Variants in NT5DC3 observed in about 807,000 individuals in gnomAD.
The protein encoded by NT5DC3 is 5'-nucleotidase domain containing 3.
Under a neutral mutation model 67.8 loss-of-function variants are expected in NT5DC3, and 42 were observed. The observed-to-expected ratio is 0.62, with a 90% CI of 0.48 to 0.80. The LOEUF (loss-of-function observed/expected upper bound fraction) is 0.80. Ranked by LOEUF, NT5DC3 falls within the 30% of genes least tolerant of loss-of-function variation. NT5DC3 has a pLI of 0.00. For missense variants in NT5DC3, 570 were observed against 696.4 expected (o/e 0.82, Z 2.04); for synonymous variants, 237 against 255.6 (o/e 0.93, Z 0.69).
chr12:103,759,505 C>T, the NT5DC3 span, among the ~76,000 whole-genome samples: 1 of 152,168 alleles, frequency 6.6e-6, no homozygotes, highest in Non-Finnish European at 1.5e-5. Context: ...GGATAATGAA[C>T]CCATTTTAAA....
intron 11 of NT5DC3, 22 bp from the exon 12 acceptor site, chr12:103,785,497 A>C (rs1415154093): frequency 1.2e-6 from 2 of 1,612,482 alleles, no homozygotes; most frequent in East Asian, 2.2e-5. Context: ...GATCACGAAA[A>C]GTCAACGTCA....
chr12:103,749,208 C>T, the NT5DC3 span: 12 of 1,525,228 alleles, frequency 7.9e-6, no homozygotes, highest in Non-Finnish European at 1.1e-5. Context: ...GGGCTTCGCT[C>T]CTCCTTGCCT....
At chr12:103,754,640 G>T in the NT5DC3 span, among the ~76,000 whole-genome samples, 1 of 152,080 alleles carries the variant, frequency 6.6e-6, no homozygotes, top group Admixed American at 6.6e-5. Flanking sequence ...GAGCAATGAT[G>T]ATATTATGAT....
At chr12:103,803,257 A>T (rs79200640) in intron 4 of NT5DC3, among the ~76,000 whole-genome samples, 2 of 152,164 alleles carry the variant, frequency 1.3e-5, no homozygotes, top group Non-Finnish European at 2.9e-5. Flanking sequence ...TAAAAATTGT[A>T]ATATGTTAAA....
the NT5DC3 span, chr12:103,763,641 C>A: frequency 1.9e-6 from 3 of 1,574,438 alleles, no homozygotes; most frequent in Non-Finnish European, 2.6e-6. Flanking sequence ...GAATAGGTTC[C>A]CTTGGGGTAC....
At chr12:103,753,094 A>G in the NT5DC3 span, 1 of 1,115,562 alleles carries the variant, frequency 9.0e-7, no homozygotes, top group Non-Finnish European at 1.3e-6. Flanking sequence ...CTTGAAGGGA[A>G]AGTGGCTTCT....
intron 1 of NT5DC3, among the ~76,000 whole-genome samples, chr12:103,818,661 C>T (rs1406328988): frequency 3.9e-5 from 6 of 152,310 alleles, no homozygotes; most frequent in African/African-American, 9.6e-5. Context: ...CCAGCGTGAG[C>T]CACTGCACCC....
intron 4 of NT5DC3, among the ~76,000 whole-genome samples, chr12:103,801,130 ACAT>A (rs1207708259): frequency 6.6e-6 from 1 of 152,056 alleles, no homozygotes; most frequent in African/African-American, 2.4e-5. Flanking sequence ...TGTGGGCCAA[ACAT>A]CATAAAATTC....
At chr12:103,817,309 A>T (rs1452031298) in intron 1 of NT5DC3, among the ~76,000 whole-genome samples, 1 of 152,214 alleles carries the variant, frequency 6.6e-6, no homozygotes, top group Non-Finnish European at 1.5e-5. Context: ...CAATCATCCA[A>T]TTTTTTATGA....
chr12:103,755,289 T>C, the NT5DC3 span: 1 of 1,613,186 alleles, frequency 6.2e-7, no homozygotes, highest in East Asian at 2.2e-5. Flanking sequence ...TGGCCCTGTC[T>C]GTATCCCTGC....
Position 103,774,579 on chromosome 12 carries a change from G to A in NT5DC3, c.*3250C>T, listed in dbSNP as rs1261772178. On this transcript the variant is annotated 3_prime_UTR_variant, in exon 14 of 14. Transcript: ENST00000392876. ...GGCACCTGTAATCCCAGCTACTCGGGAGGCTGAGGCAGGAGAATCACTTGA... is the reference window on the plus strand; with the variant it reads ...GGCACCTGTAATCCCAGCTACTCGGAAGGCTGAGGCAGGAGAATCACTTGA... 2 of 151,792 alleles carry A rather than the reference G, an allele frequency of 1.3e-5. No individual in the cohort carries two copies. The highest frequency in any genetic ancestry group is 4.9e-5 in the African/African-American group (2 of 41,200). 9.4% of individuals were successfully genotyped at this position (151,792 alleles called of 1,614,324 possible).
chr12:103,803,868 C>A lies in NT5DC3; in HGVS notation c.524+2454G>T, dbSNP rs966607714. On this transcript the variant is annotated intron_variant, in intron 4 of 13. Coordinates refer to ENST00000392876, the MANE Select transcript of NT5DC3 (RefSeq NM_001031701.3). The stretch of plus-strand genomic sequence containing the variant: ...AGATTCATTCATTACCACCCCCCCC[C>A]CAAAAAAATGTGTTGAGGGACTCCA... Among the ~76,000 whole-genome samples, 3 of 148,030 alleles carry A rather than the reference C, an allele frequency of 2.0e-5. No homozygotes were observed. In the Admixed American group the frequency reaches 2.1e-4, roughly 10 times the overall value.
chr12:103,787,471 A>C lies in NT5DC3; in HGVS notation c.1158T>G (p.Tyr386Ter). 6.2e-7 allele frequency: 1 copy of C among 1,604,688 alleles called. No individual in the cohort carries two copies. The highest frequency in any genetic ancestry group is 8.5e-7 in the Non-Finnish European group (1 of 1,174,620). ...GGTCACTGTATATATGGTCACCAAA[A>C]TACAACACTCTGGATCCTCTCCATC... The part of the protein sequence containing the change: ...LTGWRGSRVL[Y>*]FGDHIYSDLA... Residue 386 changes from tyrosine (Y) to a stop codon, truncating the protein, a stop_gained, in exon 11 of 14, where the codon TAT becomes TAG. Coordinates refer to ENST00000392876, the MANE Select transcript of NT5DC3 (RefSeq NM_001031701.3). LOFTEE classifies it high-confidence loss of function.
At chr12:103,840,204 GCCCGGCAC>G (rs1405667383) in intron 1 of NT5DC3, among the ~76,000 whole-genome samples, 2 of 152,134 alleles carry the variant, frequency 1.3e-5, no homozygotes, top group African/African-American at 4.8e-5. Flanking sequence ...TAATCTACGT[GCCCGGCAC>G]TGGTATTTAT....
At chr12:103,814,492 T>G (rs769542897) in intron 2 of NT5DC3, among the ~76,000 whole-genome samples, 31 of 152,300 alleles carry the variant, frequency 2.0e-4, no homozygotes, top group Admixed American at 9.8e-4. Context: ...CCTTCCTCAT[T>G]AAAAACTCTC....
Position 103,778,170 on chromosome 12 carries a change from T to A in NT5DC3, c.1395-89A>T, listed in dbSNP as rs57944247. 157,043 of 1,163,456 alleles carry A rather than the reference T, an allele frequency of 0.13. 6,302 individuals carry two copies. The highest frequency in any genetic ancestry group is 0.32 in the East Asian group (11,504 of 36,034). 72.1% of individuals were successfully genotyped at this position (1,163,456 alleles called of 1,614,324 possible). On this transcript the variant is annotated intron_variant, in intron 13 of 13. Coordinates refer to ENST00000392876, the MANE Select transcript of NT5DC3 (RefSeq NM_001031701.3). The stretch of plus-strand genomic sequence containing the variant: ...CTGAAATCAAAATCACTTCTTTTTT[T>A]AAAAAAAAAAAATAGGACTCATTTG...
chr12:103,817,858 C>A (rs747573429), intron 1 of NT5DC3, among the ~76,000 whole-genome samples: 1 of 152,174 alleles, frequency 6.6e-6, no homozygotes, highest in Non-Finnish European at 1.5e-5. Flanking sequence ...CTACTCACTT[C>A]TTTCTGACTA....
chr12:103,749,084 A>G, the NT5DC3 span: 1 of 1,614,158 alleles, frequency 6.2e-7, no homozygotes, highest in Non-Finnish European at 8.5e-7. Flanking sequence ...ACAGCTGCAC[A>G]GAGATAGACC....
At chr12:103,765,651 G>A (rs1291132712), downstream of NT5DC3, among the ~76,000 whole-genome samples, 5 of 152,150 alleles carry the variant, frequency 3.3e-5, no homozygotes, top group Admixed American at 2.0e-4. Context: ...GCAAGCCTCA[G>A]GTGATCCTCC....
Sources: gnomAD v4.1 joint callset for allele counts (sites outside exome capture counted in the v4.1 genomes callset) on GRCh38, gnomAD v4.1.1 for gene constraint, MANE v1.5 for transcripts, NCBI Gene and HGNC (gene_info 2026-07-23, HGNC 2026-07-21) for gene names.